The following APBA1 variants were observed in gnomAD, a reference collection of about 807,000 sequenced individuals.
APBA1 encodes the protein amyloid-beta A4 precursor protein-binding family A member 1.
APBA1 carries 55 observed loss-of-function variants against 86.6 expected under a neutral mutation model. That is an observed-to-expected ratio of 0.64 (90% confidence interval 0.51 to 0.80). The LOEUF is 0.80. APBA1 is among the 30% of genes least tolerant of loss of function. APBA1 has a pLI of 0.00. For missense variants in APBA1, 1,090 were observed against 1,183.0 expected (o/e 0.92, Z 1.15); for synonymous variants, 511 against 493.9 (o/e 1.03, Z -0.46).
chr9:69,630,306 GA>G (rs925801697), intron 1 of APBA1, among the ~76,000 whole-genome samples: 6 of 152,164 alleles, frequency 3.9e-5, no homozygotes, highest in African/African-American at 1.4e-4. Flanking sequence ...GCAGGGACCA[GA>G]TCGCACAGAA....
chr9:69,623,076 C>A (rs1420652600), intron 1 of APBA1, among the ~76,000 whole-genome samples: 1 of 152,074 alleles, frequency 6.6e-6, no homozygotes, highest in African/African-American at 2.4e-5. Context: ...ATCTTTGGCT[C>A]AAATGGCAAA....
intron 1 of APBA1, among the ~76,000 whole-genome samples, chr9:69,557,501 G>A (rs775672417): frequency 4.6e-5 from 7 of 152,034 alleles, no homozygotes; most frequent in African/African-American, 7.3e-5. Context: ...CTCCTCACCC[G>A]CTCCCTCCTG....
At chr9:69,652,373 T>C (rs1341649527) in intron 1 of APBA1, among the ~76,000 whole-genome samples, 2 of 151,836 alleles carry the variant, frequency 1.3e-5, no homozygotes, top group African/African-American at 2.4e-5. Context: ...CAGGGCAAAA[T>C]AGGGGTACAG....
chr9:69,626,816 G>A (rs1822943730), intron 1 of APBA1, among the ~76,000 whole-genome samples: 1 of 151,332 alleles, frequency 6.6e-6, no homozygotes, highest in African/African-American at 2.4e-5. Context: ...TGGCATCTTG[G>A]CCCATATTTA....
At chr9:69,631,482 C>T (rs1034175542) in intron 1 of APBA1, among the ~76,000 whole-genome samples, 1 of 152,168 alleles carries the variant, frequency 6.6e-6, no homozygotes, top group Admixed American at 6.5e-5. Context: ...TTCAACCATT[C>T]TGGAAGACAG....
chr9:69,458,065 A>G, intron 6 of APBA1, 91 bp downstream of exon 6: 1 of 1,345,522 alleles, frequency 7.4e-7, no homozygotes, highest in Non-Finnish European at 1.0e-6. Context: ...TGGATGCAGA[A>G]AACAAAAACA....
rs143979575 is a variant in APBA1 at position 69,456,426 on chromosome 9, T to C, written c.1609A>G (p.Met537Val). The C allele has an allele frequency of 6.3e-4, 1,003 of 1,595,256 alleles. No individual in the cohort carries two copies. The highest frequency in any genetic ancestry group is 8.1e-4 in the Non-Finnish European group (946 of 1,169,394). The change falls in exon 8 of 13, where the codon ATG (methionine) becomes GTG (valine). Residue 537 changes from methionine to valine, a missense_variant. Physicochemically the swap from Met to Val is conservative, Grantham distance 21. Transcript: ENST00000265381. ...KVLNADTQET[M>V]MDHPLRTISY... ...ATGGTCCTCAGAGGGTGGTCCATCA[T>C]TGTCTCCTGGAGGCAGGAAGAGAGG...
At chr9:69,649,632 AC>A (rs1285790430) in intron 1 of APBA1, among the ~76,000 whole-genome samples, 1 of 151,524 alleles carries the variant, frequency 6.6e-6, no homozygotes, top group Non-Finnish European at 1.5e-5. Flanking sequence ...GCTCCCATCC[AC>A]CCCCGGGGCC....
Position 69,501,629 on chromosome 9 carries a change from AACACACACACACACAC to A in APBA1, c.1200+14366_1200+14381del, listed in dbSNP as rs57033911. Among the ~76,000 whole-genome samples the A allele has an allele frequency of 5.3e-3, 748 of 142,086 alleles. 4 individuals are homozygous for A. Among genetic ancestry groups the A allele is most frequent in the African/African-American group, 0.011 (414 of 37,832 alleles). 93.2% of individuals were successfully genotyped at this position (142,086 alleles called of 152,430 possible). ...ACATAACAAGACTCTGTCTCTACAA[AACACACACACACACAC>A]ACACACACACACACACACACACACA... On this transcript the variant is annotated intron_variant, in intron 2 of 12. Coordinates refer to ENST00000265381, the MANE Select transcript of APBA1 (RefSeq NM_001163.4).
chr9:69,534,800 A>G (rs566899283), intron 1 of APBA1, among the ~76,000 whole-genome samples: 5 of 152,266 alleles, frequency 3.3e-5, no homozygotes, highest in Admixed American at 6.5e-5. Context: ...TCTATACGAT[A>G]TATCACAATT....
At chr9:69,585,755 T>C (rs1313273519) in intron 1 of APBA1, among the ~76,000 whole-genome samples, 3 of 152,188 alleles carry the variant, frequency 2.0e-5, no homozygotes, top group Non-Finnish European at 4.4e-5. Context: ...CAGTGACTCA[T>C]TTCTGGTGAT....
chr9:69,472,493 G>A (rs1392905121), intron 3 of APBA1: 1 of 152,260 alleles, frequency 6.6e-6, no homozygotes, highest in Non-Finnish European at 1.5e-5. Flanking sequence ...TCCACCAGTA[G>A]TAGAATTTGT....
At chr9:69,571,377 A>G (rs185516250) in intron 1 of APBA1, among the ~76,000 whole-genome samples, 1 of 152,330 alleles carries the variant, frequency 6.6e-6, no homozygotes, top group East Asian at 1.9e-4. Flanking sequence ...CTCTATAAAA[A>G]TAGCCATTAA....
chr9:69,547,565 C>T (rs533590112), intron 1 of APBA1, among the ~76,000 whole-genome samples: 88 of 152,300 alleles, frequency 5.8e-4, no homozygotes, highest in Admixed American at 1.0e-3. Flanking sequence ...TCTGGGTTCT[C>T]TTAGTAATGA....
Position 69,430,646 on chromosome 9 carries a change from C to G in APBA1, c.*681G>C, listed in dbSNP as rs190783774. On this transcript the variant is annotated 3_prime_UTR_variant, in exon 13 of 13. Transcript: ENST00000265381. ...CAACCTGGTAAAGCTTCAGATGCCCCATGAATTGCCAAGCTCTCTGTGACA... is the reference window on the plus strand; with the variant it reads ...CAACCTGGTAAAGCTTCAGATGCCCGATGAATTGCCAAGCTCTCTGTGACA... 1 of 152,584 alleles carries G rather than the reference C, an allele frequency of 6.6e-6. No individual in the cohort carries two copies. The highest frequency in any genetic ancestry group is 2.4e-5 in the African/African-American group (1 of 41,508). The allele number at this position is 152,584 out of a possible 1,614,324, so 9.5% of individuals were successfully genotyped here.
chr9:69,670,799 A>G (rs1564108482), intron 1 of APBA1, among the ~76,000 whole-genome samples: 2 of 152,160 alleles, frequency 1.3e-5, no homozygotes, highest in Non-Finnish European at 2.9e-5. Context: ...GTAGGAAAGC[A>G]GGGACTTTAC....
At chr9:69,552,332 G>A (rs781152650) in intron 1 of APBA1, among the ~76,000 whole-genome samples, 2 of 152,168 alleles carry the variant, frequency 1.3e-5, no homozygotes, top group Non-Finnish European at 2.9e-5. Flanking sequence ...TAGAAAACAC[G>A]TACCACAGAG....
At chr9:69,451,516 A>G (rs1417535823) in intron 9 of APBA1, among the ~76,000 whole-genome samples, 2 of 152,102 alleles carry the variant, frequency 1.3e-5, no homozygotes, top group Non-Finnish European at 2.9e-5. Context: ...TGCTCTAGCC[A>G]AACCGTATTT....
rs569081859 is a variant in APBA1, at chr9:69,607,185, G to C, written c.-70+64968C>G. Reference sequence around the variant, plus strand: ...ACCCAAGACTGGGTAATATATAAAGGAAAGAGGTTTAATTGACTCTCAGCT... The same window carrying C: ...ACCCAAGACTGGGTAATATATAAAGCAAAGAGGTTTAATTGACTCTCAGCT... On this transcript the variant is annotated intron_variant, in intron 1 of 12. Transcript: ENST00000265381. Among the ~76,000 whole-genome samples, 22 of 152,274 alleles carry C rather than the reference G, an allele frequency of 1.4e-4. 2 individuals carry two copies. The South Asian group carries it at 2.7e-3, about 19-fold the overall frequency.
Sources: gnomAD v4.1 joint callset for allele counts (sites outside exome capture counted in the v4.1 genomes callset) on GRCh38, gnomAD v4.1.1 for gene constraint, MANE v1.5 for transcripts, NCBI Gene and HGNC (gene_info 2026-07-23, HGNC 2026-07-21) for gene names.